Variants in CTNND2 observed in about 807,000 individuals in gnomAD.
CTNND2 encodes the protein catenin delta-2.
Under a neutral mutation model 144.4 loss-of-function variants are expected in CTNND2, and 22 were observed. The ratio of observed to expected loss-of-function variants is 0.15; its 90% CI spans 0.11 to 0.22. The LOEUF (loss-of-function observed/expected upper bound fraction) is 0.22, where lower values mean the gene tolerates loss of function less well. CTNND2 is among the 10% of genes least tolerant of loss of function. The pLI, the probability that CTNND2 is intolerant of heterozygous loss-of-function variation, is 1.00. For missense variants in CTNND2, 1,353 were observed against 1,618.8 expected, an observed-to-expected ratio of 0.84 and a Z score of 2.82; for synonymous variants, 751 against 695.6, an observed-to-expected ratio of 1.08 and a Z score of -1.25.
intron 9 of CTNND2, among the ~76,000 whole-genome samples, chr5:11,305,190 C>A (rs1750063102): frequency 6.6e-6 from 1 of 151,838 alleles, no homozygotes; most frequent in East Asian, 1.9e-4. Context: ...TAAGCACCAC[C>A]CGACAGGGCA....
intron 2 of CTNND2, among the ~76,000 whole-genome samples, chr5:11,714,180 A>C (rs1214644501): frequency 6.6e-6 from 1 of 152,200 alleles, no homozygotes; most frequent in African/African-American, 2.4e-5. Flanking sequence ...GCTCCTGTGG[A>C]GCTAACATTG....
intron 3 of CTNND2, among the ~76,000 whole-genome samples, chr5:11,536,331 T>A (rs1774215429): frequency 6.6e-6 from 1 of 152,154 alleles, no homozygotes; most frequent in South Asian, 2.1e-4. Context: ...CCCAAATTGC[T>A]GGGATTACAG....
chr5:11,434,961 A>T (rs951028514), intron 3 of CTNND2, among the ~76,000 whole-genome samples: 1 of 152,172 alleles, frequency 6.6e-6, no homozygotes, highest in Non-Finnish European at 1.5e-5. Flanking sequence ...CACACAAACA[A>T]TAATTGAAAA....
chr5:11,295,103 C>A (rs1479517441), intron 9 of CTNND2, among the ~76,000 whole-genome samples: 1 of 152,136 alleles, frequency 6.6e-6, no homozygotes, highest in South Asian at 2.1e-4. Context: ...CGCCCAAAAT[C>A]TCCTTAAGCT....
At chr5:11,584,503 G>A (rs993184509) in intron 2 of CTNND2, among the ~76,000 whole-genome samples, 3 of 149,178 alleles carry the variant, frequency 2.0e-5, no homozygotes, top group Non-Finnish European at 3.0e-5. Flanking sequence ...AGGAAGAAAC[G>A]CCCATAATGT....
intron 6 of CTNND2, among the ~76,000 whole-genome samples, chr5:11,388,990 G>A (rs1435331231): frequency 6.6e-6 from 1 of 152,318 alleles, no homozygotes; most frequent in Non-Finnish European, 1.5e-5. Flanking sequence ...AAATGTGTGT[G>A]TACATGCAAA....
intron 2 of CTNND2, among the ~76,000 whole-genome samples, chr5:11,646,341 A>G (rs1782349621): frequency 6.6e-6 from 1 of 152,186 alleles, no homozygotes; most frequent in African/African-American, 2.4e-5. Context: ...TGAGGCTTAG[A>G]GAGATTAAGG....
In CTNND2 at chr5:11,030,995, C is replaced by A. The variant is rs76932356; in HGVS notation, c.2789-8016G>T. On this transcript the variant is annotated intron_variant, in intron 16 of 21. Coordinates refer to ENST00000304623, the MANE Select transcript of CTNND2 (RefSeq NM_001332.4). ...TTGAGAATTAGCCTTAAGATCTTCACAGATGTTTTCTGAGCATGAGAGTTT... is the reference window on the plus strand; with the variant it reads ...TTGAGAATTAGCCTTAAGATCTTCAAAGATGTTTTCTGAGCATGAGAGTTT... 8.3e-4 allele frequency among the ~76,000 whole-genome samples: 126 copies of A among 152,186 alleles called. 7 individuals carry two copies. The East Asian group carries it at 0.022, about 27-fold the overall frequency.
rs191474492 is a variant in CTNND2 at position 11,244,222 on chromosome 5, T to C, written c.1629-7399A>G. Among the ~76,000 whole-genome samples, 20 of 151,842 alleles carry C rather than the reference T, an allele frequency of 1.3e-4. No individual in the cohort carries two copies. In the East Asian group the frequency reaches 3.9e-3, roughly 29 times the overall value. ...AACAATTAACATATAAAAGTATTAATATCTTAATCCTCATTCCTGGATAGT... is the reference window on the plus strand; with the variant it reads ...AACAATTAACATATAAAAGTATTAACATCTTAATCCTCATTCCTGGATAGT... On this transcript the variant is annotated intron_variant, in intron 9 of 21. Transcript: ENST00000304623.
intron 9 of CTNND2, among the ~76,000 whole-genome samples, chr5:11,250,883 A>G (rs1043035306): frequency 6.6e-6 from 1 of 152,110 alleles, no homozygotes; most frequent in Non-Finnish European, 1.5e-5. Flanking sequence ...GTTTGACTAC[A>G]CCATAAAGAC....
intron 3 of CTNND2, among the ~76,000 whole-genome samples, chr5:11,501,387 C>T (rs1770509241): frequency 6.6e-6 from 1 of 152,192 alleles, no homozygotes; most frequent in African/African-American, 2.4e-5. Flanking sequence ...CTGTGTACTC[C>T]TGGCAAGAGT....
At chr5:11,738,982 G>C (rs890062128) in intron 1 of CTNND2, among the ~76,000 whole-genome samples, 13 of 152,114 alleles carry the variant, frequency 8.5e-5, no homozygotes, top group African/African-American at 3.1e-4. Flanking sequence ...TGGGAAGCTA[G>C]AGATTTCATT....
intron 11 of CTNND2, among the ~76,000 whole-genome samples, chr5:11,161,715 T>C (rs552013287): frequency 6.6e-6 from 1 of 152,332 alleles, no homozygotes; most frequent in East Asian, 1.9e-4. Context: ...CTTCAAAGTA[T>C]ACAATGCGAA....
intron 14 of CTNND2, among the ~76,000 whole-genome samples, chr5:11,108,130 G>A (rs1334139386): frequency 6.6e-6 from 1 of 152,142 alleles, no homozygotes; most frequent in Non-Finnish European, 1.5e-5. Context: ...AAGAAGTCTT[G>A]GAAAGATAGA....
chr5:11,793,371 G>A (rs899215236), intron 1 of CTNND2, among the ~76,000 whole-genome samples: 8 of 152,152 alleles, frequency 5.3e-5, no homozygotes, highest in Admixed American at 1.3e-4. Flanking sequence ...TTGGTTACAG[G>A]ATAAACTGTG....
intron 9 of CTNND2, among the ~76,000 whole-genome samples, chr5:11,284,418 C>T (rs1747510031): frequency 6.6e-6 from 1 of 152,168 alleles, no homozygotes; most frequent in Non-Finnish European, 1.5e-5. Flanking sequence ...CTCTCCCAGC[C>T]TGCCCCCTGG....
intron 3 of CTNND2, among the ~76,000 whole-genome samples, chr5:11,442,607 G>C (rs929996514): frequency 1.3e-5 from 2 of 151,740 alleles, no homozygotes; most frequent in African/African-American, 2.4e-5. Flanking sequence ...GAAGGCTTTC[G>C]CAGTGCTCCA....
chr5:11,724,319 T>G (rs1343710468), intron 2 of CTNND2, among the ~76,000 whole-genome samples: 1 of 152,054 alleles, frequency 6.6e-6, no homozygotes, highest in Admixed American at 6.6e-5. Context: ...AGGGATGAGG[T>G]GTTGTTTTCA....
chr5:11,346,082 C>T (rs767181452), intron 9 of CTNND2, among the ~76,000 whole-genome samples: 48 of 152,084 alleles, frequency 3.2e-4, no homozygotes, highest in Non-Finnish European at 6.3e-4. Flanking sequence ...CTCCAGTCCC[C>T]AGTTTCCCCT....
Sources: allele counts gnomAD v4.1 joint callset (sites outside exome capture counted in the v4.1 genomes callset), GRCh38; gene constraint gnomAD v4.1.1; transcripts MANE v1.5; gene names NCBI Gene and HGNC (gene_info 2026-07-23, HGNC 2026-07-21).